The following PVT1 variants were observed in gnomAD, a reference collection of about 807,000 sequenced individuals.
PVT1 encodes CXCR4/PVT1 fusion.
intron 3 of PVT1, among the ~76,000 whole-genome samples, chr8:127,909,575 G>A (rs1815866752): frequency 6.6e-6 from 1 of 152,188 alleles, no homozygotes; most frequent in Non-Finnish European, 1.5e-5. Flanking sequence ...TATGTGCGGA[G>A]CTCTTTGGGG....
intron 5 of PVT1, among the ~76,000 whole-genome samples, chr8:128,084,105 C>A (rs750686344): frequency 6.6e-6 from 1 of 152,164 alleles, no homozygotes; most frequent in African/African-American, 2.4e-5. Flanking sequence ...CTTTATCCCC[C>A]CCTTGGCAGC....
intron 3 of PVT1, among the ~76,000 whole-genome samples, chr8:127,956,920 G>A (rs1816577001): frequency 6.6e-6 from 1 of 152,178 alleles, no homozygotes; most frequent in Non-Finnish European, 1.5e-5. Context: ...AGAATGGCCT[G>A]TCATAGGCCT....
At chr8:127,977,814 G>A (rs1308608781) in intron 3 of PVT1, among the ~76,000 whole-genome samples, 1 of 152,174 alleles carries the variant, frequency 6.6e-6, no homozygotes, top group Non-Finnish European at 1.5e-5. Context: ...AAGCTTGAAG[G>A]CTTCTTATCA....
At chr8:127,863,711 G>A (rs745601190) in intron 2 of PVT1, among the ~76,000 whole-genome samples, 2 of 152,202 alleles carry the variant, frequency 1.3e-5, no homozygotes, top group Admixed American at 6.5e-5. Context: ...TGTTGCTGCA[G>A]CACTTAGCAC....
At chr8:127,880,118 C>T (rs922516251) in intron 2 of PVT1, among the ~76,000 whole-genome samples, 2 of 151,092 alleles carry the variant, frequency 1.3e-5, no homozygotes, top group African/African-American at 4.9e-5. Flanking sequence ...CAAATGTCCT[C>T]GCTTATGGAC....
At chr8:127,982,651 A>ATAAT (rs35546489) in intron 3 of PVT1, among the ~76,000 whole-genome samples, 35,086 of 145,754 alleles carry the variant, frequency 0.24, 4,229 homozygotes, top group East Asian at 0.39. Context: ...CTCTACAAAA[A>ATAAT]TAATTAATTA....
intron 2 of PVT1, among the ~76,000 whole-genome samples, chr8:127,863,779 C>T (rs1189078332): frequency 6.6e-6 from 1 of 152,190 alleles, no homozygotes; most frequent in East Asian, 1.9e-4. Flanking sequence ...TGAGGCCCCT[C>T]AGCTTGGACC....
At chr8:127,854,285 C>T (rs375904113) in intron 2 of PVT1, among the ~76,000 whole-genome samples, 10 of 152,340 alleles carry the variant, frequency 6.6e-5, no homozygotes, top group East Asian at 1.9e-4. Context: ...GACTCGAGCC[C>T]GGCCTGCCTG....
At chr8:127,916,482 T>C (rs572770618) in intron 3 of PVT1, among the ~76,000 whole-genome samples, 1 of 152,308 alleles carries the variant, frequency 6.6e-6, no homozygotes, top group Admixed American at 6.5e-5. Context: ...TTCTTGTCTT[T>C]GTGTGTGCTC....
chr8:127,832,082 C>T (rs566768344), intron 2 of PVT1, among the ~76,000 whole-genome samples: 9 of 152,046 alleles, frequency 5.9e-5, no homozygotes, highest in African/African-American at 1.9e-4. Flanking sequence ...AACTTAAAAA[C>T]GTCAAGTGTT....
chr8:128,048,386 C>T (rs1813645917), intron 4 of PVT1: 1 of 152,300 alleles, frequency 6.6e-6, no homozygotes, highest in African/African-American at 2.4e-5. Flanking sequence ...GGTACTATCC[C>T]TGGCCTCCCG....
chr8:128,068,523 A>T (rs935819056), intron 4 of PVT1, among the ~76,000 whole-genome samples: 1 of 152,114 alleles, frequency 6.6e-6, no homozygotes, highest in Admixed American at 6.6e-5. Context: ...TTTGAGACGG[A>T]GTCTTGCTCT....
chr8:127,800,276 T>C (rs905035826), intron 2 of PVT1, among the ~76,000 whole-genome samples: 17 of 152,190 alleles, frequency 1.1e-4, no homozygotes, highest in African/African-American at 4.1e-4. Flanking sequence ...TCCTGAGCAG[T>C]TGCTGTATGC....
chr8:127,959,313 G>A (rs193155746), intron 3 of PVT1, among the ~76,000 whole-genome samples: 25 of 152,252 alleles, frequency 1.6e-4, no homozygotes, highest in East Asian at 1.4e-3. Flanking sequence ...CAGGCTGGGC[G>A]CGGTGGCTCA....
intron 3 of PVT1, among the ~76,000 whole-genome samples, chr8:127,927,973 T>A (rs971503110): frequency 6.6e-6 from 1 of 152,188 alleles, no homozygotes. Flanking sequence ...AGGGCTGTCG[T>A]CCCCTCTGGC....
intron 4 of PVT1, among the ~76,000 whole-genome samples, chr8:128,059,400 C>T (rs1393262223): frequency 3.9e-5 from 6 of 152,090 alleles, no homozygotes; most frequent in Non-Finnish European, 8.8e-5. Context: ...AATCTGTGCC[C>T]ACCACTGTAT....
At chr8:127,994,844 A>T (rs910787889) in intron 4 of PVT1, among the ~76,000 whole-genome samples, 1 of 152,192 alleles carries the variant, frequency 6.6e-6, no homozygotes, top group Non-Finnish European at 1.5e-5. Context: ...TCAGGCAGAG[A>T]TGAAATTCAA....
At chr8:127,977,268 G>C (rs1282263664) in intron 3 of PVT1, among the ~76,000 whole-genome samples, 1 of 152,128 alleles carries the variant, frequency 6.6e-6, no homozygotes, top group African/African-American at 2.4e-5. Flanking sequence ...ATGGCCCCCA[G>C]GGTGTGTACA....
chr8:127,855,895 G>A (rs1215443124), intron 2 of PVT1, among the ~76,000 whole-genome samples: 9 of 152,230 alleles, frequency 5.9e-5, no homozygotes, highest in Admixed American at 5.9e-4. Flanking sequence ...GCCCTGGCCA[G>A]AGCCCACAAG....
Sources: gnomAD v4.1 joint callset for allele counts (sites outside exome capture counted in the v4.1 genomes callset) on GRCh38, gnomAD v4.1.1 for gene constraint, MANE v1.5 for transcripts, NCBI Gene and HGNC (gene_info 2026-07-23, HGNC 2026-07-21) for gene names.